The following RNF19A variants were observed in gnomAD, a reference collection of about 807,000 sequenced individuals.
The protein encoded by RNF19A is ring finger protein 19A, RBR E3 ubiquitin protein ligase, also known as E3 ubiquitin-protein ligase RNF19A.
RNF19A carries 32 observed loss-of-function variants against 75.7 expected under a neutral mutation model. The ratio of observed to expected loss-of-function variants is 0.42; its 90% CI spans 0.32 to 0.57. The LOEUF is 0.57. Among genes scored for constraint, RNF19A ranks in the 20% least tolerant of loss-of-function variants. The pLI, the probability that RNF19A is intolerant of heterozygous loss-of-function variation, is 0.10. For synonymous variants in RNF19A, 335 were observed against 345.2 expected (o/e 0.97, Z 0.33); for missense variants, 782 against 1,036.3 (o/e 0.75, Z 3.37).
chr8:100,309,654 G>A (rs1178583659), intron 1 of RNF19A: 2 of 921,370 alleles, frequency 2.2e-6, no homozygotes, highest in Non-Finnish European at 2.6e-6. Flanking sequence ...GGGACCCGGA[G>A]CTGACCGAGG....
intron 3 of RNF19A, among the ~76,000 whole-genome samples, chr8:100,271,195 C>A (rs935155762): frequency 2.0e-5 from 3 of 150,582 alleles, no homozygotes; most frequent in Non-Finnish European, 3.0e-5. Context: ...TCAATGCTCA[C>A]AATTAGTATT....
rs762275745 is a variant in RNF19A, at chr8:100,261,729, G to A, written c.1495C>T (p.His499Tyr). ...CTTCCCTCCCCTATGCTTGGGTTGT[G>A]TCTTGCTTCTGCTACTGATGTTGTG... is the stretch of plus-strand genomic sequence containing the variant. ...VDTTSVAEAR[H>Y]NPSIGEGSVG... The change falls in exon 8 of 10, where the codon CAC becomes TAC. Residue 499 changes from histidine (H) to tyrosine (Y), a missense_variant. Around this residue, in one of 7 missense-constraint regions of RNF19A, gnomAD observed 442 missense variants for 541.6 expected, o/e 0.82. Transcript: ENST00000341084. This position sits in a 1 kb window ranked among gnomAD's most constrained non-coding sequence, Gnocchi z 4.4. The A allele has an allele frequency of 1.2e-6, 2 of 1,614,100 alleles. No homozygotes were observed. The highest frequency in any genetic ancestry group is 1.7e-6 in the Non-Finnish European group (2 of 1,179,996).
At chr8:100,305,648 G>C (rs984935589) in intron 1 of RNF19A, among the ~76,000 whole-genome samples, 1 of 152,156 alleles carries the variant, frequency 6.6e-6, no homozygotes, top group Non-Finnish European at 1.5e-5. Context: ...ACCTTAGATT[G>C]TAGATACTTT....
At position 100,331,626 on chromosome 8, in the gene RNF19A, GACAA is replaced by G. The variant is rs972516903; in HGVS notation, c.-243+4478_-243+4481del. Among the ~76,000 whole-genome samples, 4 of 152,064 alleles carry G rather than the reference GACAA, an allele frequency of 2.6e-5. No homozygotes were observed. Among genetic ancestry groups the G allele is most frequent in the Admixed American group, 2.6e-4 (4 of 15,264 alleles). On this transcript the variant is annotated intron_variant, in intron 1 of 3. Transcript: ENST00000519527. The surrounding 1 kb of genome is among the most constrained non-coding windows in gnomAD (Gnocchi z 5.2). ...CACTCCAGCCTGGGTAACAGAGAGAGACAAACAAACAAAACAAAACAAAAACCAG... is the reference window on the plus strand; with the variant it reads ...CACTCCAGCCTGGGTAACAGAGAGAGACAAACAAAACAAAACAAAAACCAG...
In RNF19A at chr8:100,264,856, AT is replaced by A; in HGVS notation, c.1192-72del. The A allele has an allele frequency of 1.7e-6, 2 of 1,156,968 alleles. No individual in the cohort carries two copies. The highest frequency in any genetic ancestry group is 2.6e-6 in the Non-Finnish European group (2 of 774,104). 71.7% of individuals were successfully genotyped at this position (1,156,968 alleles called of 1,614,324 possible). Reference sequence around the variant, plus strand: ...TTACAATTTAACTTAGTTGAAAAAGATCTATACTTGCTAAAGTGATTTTTCA... The same window carrying A: ...TTACAATTTAACTTAGTTGAAAAAGACTATACTTGCTAAAGTGATTTTTCA... On this transcript the variant is annotated intron_variant, in intron 5 of 9. Transcript: ENST00000341084. The surrounding 1 kb of genome is among the most constrained non-coding windows in gnomAD (Gnocchi z 4.7).
chr8:100,334,013 G>A (rs967923321), intron 1 of RNF19A, among the ~76,000 whole-genome samples: 4 of 152,092 alleles, frequency 2.6e-5, no homozygotes, highest in Non-Finnish European at 1.5e-5. Flanking sequence ...ACCCTAGTTG[G>A]ACTGGTCTGT....
chr8:100,284,678 ATTTTACT>A lies in RNF19A; in HGVS notation c.674+2816_674+2822del, dbSNP rs1424777169. 6.6e-6 allele frequency among the ~76,000 whole-genome samples: 1 copy of A among 152,138 alleles called. No individual in the cohort carries two copies. The highest frequency in any genetic ancestry group is 1.5e-5 in the Non-Finnish European group (1 of 67,976). Reference sequence around the variant, plus strand: ...ATCTCTAAAATATTAATACTGAGCCATTTTACTTTTTAACAATGAAGTCTCAATGAGA... The same window carrying A: ...ATCTCTAAAATATTAATACTGAGCCATTTTAACAATGAAGTCTCAATGAGA... On this transcript the variant is annotated intron_variant, in intron 2 of 9. Transcript: ENST00000341084. This position sits in a 1 kb window ranked among gnomAD's most constrained non-coding sequence, Gnocchi z 4.3.
At chr8:100,268,470 T>G (rs746243902) in intron 5 of RNF19A, 40 of 193,740 alleles carry the variant, frequency 2.1e-4, no homozygotes, top group Middle Eastern at 3.6e-3. Flanking sequence ...GACCTGACCT[T>G]ACAAGGATAT....
intron 1 of RNF19A, among the ~76,000 whole-genome samples, chr8:100,326,552 C>T (rs954718744): frequency 2.6e-5 from 4 of 152,092 alleles, no homozygotes. Context: ...CTGAGGTAAC[C>T]CCTCCCCCTT....
intron 1 of RNF19A, among the ~76,000 whole-genome samples, chr8:100,294,145 G>A (rs771788330): frequency 6.6e-6 from 1 of 152,158 alleles, no homozygotes; most frequent in African/African-American, 2.4e-5. Flanking sequence ...TACATGCCTT[G>A]TAACTGCTTA....
chr8:100,261,260 A>C lies in RNF19A; in HGVS notation c.1682+282T>G, dbSNP rs2132486646. ...CAGGTGCATGCCACCAAATCCGGCT[A>C]ATTTTTTATATTTTTTTAGTAGAGA... On this transcript the variant is annotated intron_variant, in intron 8 of 9. Coordinates refer to ENST00000341084, the MANE Select transcript of RNF19A (RefSeq NM_183419.4). The surrounding 1 kb of genome is among the most constrained non-coding windows in gnomAD (Gnocchi z 4.4). Among the ~76,000 whole-genome samples, 1 of 151,920 alleles carries C rather than the reference A, an allele frequency of 6.6e-6. No homozygotes were observed. The highest frequency in any genetic ancestry group is 1.9e-4 in the East Asian group (1 of 5,162).
intron 1 of RNF19A, among the ~76,000 whole-genome samples, chr8:100,315,073 G>T (rs1822352718): frequency 6.6e-6 from 1 of 152,114 alleles, no homozygotes; most frequent in Non-Finnish European, 1.5e-5. Context: ...ACTTTGGGAG[G>T]CTGAGGCAAG....
At chr8:100,326,601 C>G (rs1209566951) in intron 1 of RNF19A, among the ~76,000 whole-genome samples, 1 of 152,198 alleles carries the variant, frequency 6.6e-6, no homozygotes, top group Non-Finnish European at 1.5e-5. Flanking sequence ...GGGGAAAGCA[C>G]TTGACCCCCT....
chr8:100,288,607 A>G (rs1006917619), intron 1 of RNF19A, among the ~76,000 whole-genome samples: 3 of 152,220 alleles, frequency 2.0e-5, no homozygotes, highest in Non-Finnish European at 4.4e-5. Flanking sequence ...GCAAATACAA[A>G]GGGCTAAGAA....
chr8:100,266,660 A>G (rs1395131716), intron 5 of RNF19A, among the ~76,000 whole-genome samples: 2 of 152,042 alleles, frequency 1.3e-5, no homozygotes, highest in African/African-American at 4.8e-5. Flanking sequence ...ACAGGCATGC[A>G]CCACCACTCC....
rs1281703461 is a variant in RNF19A, at chr8:100,331,673, T to C, written c.-243+4435A>G. On this transcript the variant is annotated intron_variant, in intron 1 of 3. Coordinates refer to the RNF19A transcript ENST00000519527. The surrounding 1 kb of genome is among the most constrained non-coding windows in gnomAD (Gnocchi z 5.2). ...AAAACCAGATATACGGCGCAAAATT[T>C]GAAAGGAATAAAAGGGTAGAGTGAA... Among the ~76,000 whole-genome samples, 2 of 152,106 alleles carry C rather than the reference T, an allele frequency of 1.3e-5. No homozygotes were observed. Among genetic ancestry groups the C allele is most frequent in the African/African-American group, 4.8e-5 (2 of 41,420 alleles).
intron 1 of RNF19A, among the ~76,000 whole-genome samples, chr8:100,328,795 G>C (rs1028717807): frequency 2.0e-5 from 3 of 152,270 alleles, no homozygotes; most frequent in Middle Eastern, 3.4e-3. Flanking sequence ...AGACAGCAAT[G>C]GTTGTGCAAA....
rs1022336507 is a variant in RNF19A, at chr8:100,264,339, T to C, written c.1307-144A>G. 1.4e-6 allele frequency: 1 copy of C among 704,814 alleles called. No homozygotes were observed. 43.7% of individuals were successfully genotyped at this position (704,814 alleles called of 1,614,324 possible). On this transcript the variant is annotated intron_variant, in intron 6 of 9. Transcript: ENST00000341084. The surrounding 1 kb of genome is among the most constrained non-coding windows in gnomAD (Gnocchi z 4.7). ...AGTTGGCTGGAACATTTGCCAAAAG[T>C]AGATTTACCCAGTTGTTAAGCAAAT... is the stretch of plus-strand genomic sequence containing the variant.
chr8:100,273,767 C>T lies in RNF19A; in HGVS notation c.883+1186G>A, dbSNP rs936784396. Among the ~76,000 whole-genome samples the T allele has an allele frequency of 3.3e-5, 5 of 152,122 alleles. No individual in the cohort carries two copies. In the East Asian group the frequency reaches 9.7e-4, roughly 29 times the overall value. On this transcript the variant is annotated intron_variant, in intron 3 of 9. Transcript: ENST00000341084. Reference sequence around the variant, plus strand: ...ATATGGACATAAGCATTATTAGTATCTTTATTTTATTATTATCATCATTAT... The same window carrying T: ...ATATGGACATAAGCATTATTAGTATTTTTATTTTATTATTATCATCATTAT...
Sources: allele counts gnomAD v4.1 joint callset (sites outside exome capture counted in the v4.1 genomes callset), GRCh38; gene constraint gnomAD v4.1.1; regional missense constraint gnomAD v4.1.1; non-coding constraint Gnocchi (gnomAD v3.1); transcripts MANE v1.5; gene names NCBI Gene and HGNC (gene_info 2026-07-23, HGNC 2026-07-21).